The following RASGRP1 variants were observed in gnomAD, a reference collection of about 807,000 sequenced individuals.
RASGRP1 encodes RAS guanyl-releasing protein 1.
A neutral mutation model predicts 95.1 loss-of-function variants in RASGRP1; 37 were observed. The ratio of observed to expected loss-of-function variants is 0.39; its 90% CI spans 0.30 to 0.51. The LOEUF (loss-of-function observed/expected upper bound fraction) is 0.51. Among genes scored for constraint, RASGRP1 ranks in the 20% least tolerant of loss-of-function variants. The probability of loss-of-function intolerance (pLI) is 0.80; values close to 1 mark genes in which losing one functional copy is unlikely to be tolerated. For synonymous variants in RASGRP1, 325 were observed against 353.4 expected, an observed-to-expected ratio of 0.92 and a Z score of 0.90; for missense variants, 711 against 965.4, an observed-to-expected ratio of 0.74 and a Z score of 3.49.
chr15:38,512,685 G>A (rs1398600738), intron 7 of RASGRP1, 98 bp downstream of exon 7: 11 of 1,455,352 alleles, frequency 7.6e-6, no homozygotes, highest in Non-Finnish European at 1.0e-5. Flanking sequence ...TGGTTCAGGA[G>A]GGAAAAAACA....
chr15:38,515,036 C>A (rs1305419500), intron 6 of RASGRP1, among the ~76,000 whole-genome samples: 2 of 152,156 alleles, frequency 1.3e-5, no homozygotes, highest in African/African-American at 4.8e-5. Flanking sequence ...CAAATGGAAG[C>A]TGGGAGCTTC....
At chr15:38,549,077 C>G (rs967259231) in intron 2 of RASGRP1, among the ~76,000 whole-genome samples, 1 of 152,144 alleles carries the variant, frequency 6.6e-6, no homozygotes, top group Non-Finnish European at 1.5e-5. Flanking sequence ...GGGCCAGAGG[C>G]GAGGGTCCTA....
Position 38,490,447 on chromosome 15 carries a change from G to A in RASGRP1, c.*107C>T, listed in dbSNP as rs1254979835. 1 of 1,122,700 alleles carries A rather than the reference G, an allele frequency of 8.9e-7. No individual in the cohort carries two copies. The highest frequency in any genetic ancestry group is 1.6e-5 in the African/African-American group (1 of 62,702). The allele number at this position is 1,122,700 out of a possible 1,614,324, so 69.5% of individuals were successfully genotyped here. ...ACAGTAACAGGCTTTTCCTTTTAAAGTACTGTTTTAAAGCTGGTCAGTGTA... is the reference window on the plus strand; with the variant it reads ...ACAGTAACAGGCTTTTCCTTTTAAAATACTGTTTTAAAGCTGGTCAGTGTA... On this transcript the variant is annotated 3_prime_UTR_variant, in exon 17 of 17. Transcript: ENST00000310803.
intron 2 of RASGRP1, among the ~76,000 whole-genome samples, chr15:38,549,323 C>T (rs967287012): frequency 6.6e-6 from 1 of 152,208 alleles, no homozygotes; most frequent in East Asian, 1.9e-4. Context: ...ATTAATTGCT[C>T]ATCAGATTTA....
chr15:38,521,745 CTG>C (rs1275961741), intron 3 of RASGRP1, among the ~76,000 whole-genome samples: 1 of 152,192 alleles, frequency 6.6e-6, no homozygotes, highest in Non-Finnish European at 1.5e-5. Flanking sequence ...ACAGTTCTGA[CTG>C]TACTTTTCAG....
chr15:38,517,157 A>G (rs907825842), intron 5 of RASGRP1, among the ~76,000 whole-genome samples: 3 of 152,178 alleles, frequency 2.0e-5, no homozygotes, highest in African/African-American at 4.8e-5. Flanking sequence ...GCCAGTGAGC[A>G]TATTACACAC....
intron 8 of RASGRP1, among the ~76,000 whole-genome samples, chr15:38,508,914 G>C (rs1170855882): frequency 2.0e-5 from 3 of 152,164 alleles, no homozygotes; most frequent in African/African-American, 7.2e-5. Context: ...TCCTTAGGGG[G>C]ATACAGTCCA....
intron 2 of RASGRP1, among the ~76,000 whole-genome samples, chr15:38,544,274 C>T (rs185657161): frequency 1.4e-4 from 21 of 152,282 alleles, no homozygotes; most frequent in African/African-American, 3.9e-4. Flanking sequence ...TATTAGGGGT[C>T]GTAGAGTCTC....
intron 2 of RASGRP1, among the ~76,000 whole-genome samples, chr15:38,555,720 AT>A (rs1238657799): frequency 6.6e-6 from 1 of 152,214 alleles, no homozygotes; most frequent in East Asian, 1.9e-4. Context: ...ATCAATAAAA[AT>A]GGAACTCTAA....
chr15:38,530,849 C>T (rs546683868), intron 2 of RASGRP1, among the ~76,000 whole-genome samples: 1 of 152,284 alleles, frequency 6.6e-6, no homozygotes, highest in South Asian at 2.1e-4. Context: ...TTAAAATTGT[C>T]TTCAAATATC....
chr15:38,503,262 C>T lies in RASGRP1; in HGVS notation c.1428+10G>A. On this transcript the variant is annotated intron_variant, in intron 11 of 16. Coordinates refer to ENST00000310803, the MANE Select transcript of RASGRP1 (RefSeq NM_005739.4). ...CCTAGTTTTTGTGTGCTGAACACAG[C>T]TGTACTTACATCCACCATCCTCTGG... The T allele has an allele frequency of 6.3e-7, 1 of 1,589,974 alleles. No individual in the cohort carries two copies. Among genetic ancestry groups the T allele is most frequent in the Non-Finnish European group, 8.6e-7 (1 of 1,160,290 alleles).
chr15:38,535,433 T>C (rs1397184258), intron 2 of RASGRP1, among the ~76,000 whole-genome samples: 1 of 152,108 alleles, frequency 6.6e-6, no homozygotes, highest in Non-Finnish European at 1.5e-5. Context: ...ACTTTAAAAA[T>C]GTCCTTAGAA....
chr15:38,537,065 TC>T (rs1240797739), intron 2 of RASGRP1, among the ~76,000 whole-genome samples: 4 of 152,202 alleles, frequency 2.6e-5, no homozygotes, highest in Non-Finnish European at 5.9e-5. Flanking sequence ...CTATTTTTTT[TC>T]TTTGTTTGGC....
chr15:38,513,655 A>G (rs113648100), intron 6 of RASGRP1, among the ~76,000 whole-genome samples: 283 of 152,342 alleles, frequency 1.9e-3, no homozygotes, highest in Middle Eastern at 0.01. Context: ...ACAGTTGGCA[A>G]TGAAACAACA....
Position 38,507,742 on chromosome 15 carries a change from A to G in RASGRP1, c.1226T>C (p.Leu409Ser), listed in dbSNP as rs770307729. 6.4e-7 allele frequency: 1 copy of G among 1,571,870 alleles called. No individual in the cohort carries two copies. The highest frequency in any genetic ancestry group is 1.2e-5 in the South Asian group (1 of 85,390). ...VAPPLEANKDLVHLLTLSLDL... is the reference protein window; with the variant it reads ...VAPPLEANKDSVHLLTLSLDL... The stretch of plus-strand genomic sequence containing the variant: ...GAGCCTCACCGTCAGCAAGTGTACC[A>G]AGTCCTTGTTAGCCTCCAAGGGTGG... Residue 409 changes from leucine (L) to serine (S), a missense_variant, in exon 9 of 17, where the codon TTG becomes TCG. Transcript: ENST00000310803.
chr15:38,558,273 C>G (rs1428145118), intron 2 of RASGRP1, among the ~76,000 whole-genome samples: 4 of 152,148 alleles, frequency 2.6e-5, no homozygotes, highest in Non-Finnish European at 1.5e-5. Context: ...TCTCCACCAT[C>G]CTCTAGTTTA....
intron 2 of RASGRP1, among the ~76,000 whole-genome samples, chr15:38,532,104 T>C (rs1892463487): frequency 6.6e-6 from 1 of 152,248 alleles, no homozygotes; most frequent in African/African-American, 2.4e-5. Context: ...TGCTAGATTT[T>C]ATTTTCATAT....
At position 38,493,127 on chromosome 15, in the gene RASGRP1, AC is replaced by A. The variant is rs569992812; in HGVS notation, c.2259+1254del. ...GATCTCGTGACCTCGTGATCCGCCC[AC>A]CTTGGCCTCCCAAAGTGCTAGGATA... On this transcript the variant is annotated intron_variant, in intron 16 of 16. Coordinates refer to ENST00000310803, the MANE Select transcript of RASGRP1 (RefSeq NM_005739.4). Among the ~76,000 whole-genome samples, 21 of 140,536 alleles carry A rather than the reference AC, an allele frequency of 1.5e-4. No homozygotes were observed. In the East Asian group the frequency reaches 4.4e-3, roughly 30 times the overall value. The allele number at this position is 140,536 out of a possible 152,430, so 92.2% of individuals were successfully genotyped here.
chr15:38,522,142 C>T (rs796233462), intron 3 of RASGRP1, among the ~76,000 whole-genome samples: 1 of 152,168 alleles, frequency 6.6e-6, no homozygotes, highest in African/African-American at 2.4e-5. Context: ...GATAAATAAG[C>T]CTTGCTCCCT....
Sources: allele counts gnomAD v4.1 joint callset (sites outside exome capture counted in the v4.1 genomes callset), GRCh38; gene constraint gnomAD v4.1.1; transcripts MANE v1.5; gene names NCBI Gene and HGNC (gene_info 2026-07-23, HGNC 2026-07-21).